The following DGKB variants were observed in gnomAD, a reference collection of about 807,000 sequenced individuals.
DGKB encodes the protein 90 kDa diacylglycerol kinase.
In DGKB, 67 loss-of-function variants were observed where a neutral mutation model predicts 114.3. That is an observed-to-expected ratio of 0.59 (90% confidence interval 0.48 to 0.72). DGKB has a LOEUF of 0.72. Among genes scored for constraint, DGKB ranks in the 30% least tolerant of loss-of-function variants. DGKB has a pLI of 0.00. For synonymous variants in DGKB, 398 were observed against 323.1 expected (o/e 1.23, Z -2.49); for missense variants, 907 against 975.2 (o/e 0.93, Z 0.93).
intron 20 of DGKB, among the ~76,000 whole-genome samples, chr7:14,572,413 C>T (rs1026301698): frequency 6.0e-5 from 9 of 150,890 alleles, no homozygotes; most frequent in African/African-American, 2.2e-4. Flanking sequence ...GATCGTGCCA[C>T]TGCACTCCAG....
intron 21 of DGKB, among the ~76,000 whole-genome samples, chr7:14,432,987 G>A (rs1299498735): frequency 1.3e-5 from 2 of 152,146 alleles, no homozygotes; most frequent in East Asian, 3.9e-4. Context: ...CATGGTAAGA[G>A]CATGGTGGAG....
chr7:14,149,319 G>A, intron 25 of DGKB, 81 bp from the exon 26 acceptor site: 1 of 980,884 alleles, frequency 1.0e-6, no homozygotes. Context: ...GAGACTCTCT[G>A]TTAAGGTTAA....
At chr7:14,197,932 G>A (rs886661097) in intron 23 of DGKB, among the ~76,000 whole-genome samples, 2 of 152,040 alleles carry the variant, frequency 1.3e-5, no homozygotes, top group Non-Finnish European at 2.9e-5. Context: ...GTAAGGTCAC[G>A]AGGTGTGAAA....
intron 13 of DGKB, among the ~76,000 whole-genome samples, chr7:14,668,115 G>A (rs186353226): frequency 1.3e-3 from 202 of 152,090 alleles, no homozygotes; most frequent in Non-Finnish European, 8.8e-4. Context: ...TATAATATTT[G>A]CATTTTTTGA....
intron 2 of DGKB, among the ~76,000 whole-genome samples, chr7:14,818,207 C>T (rs1437995384): frequency 2.0e-5 from 3 of 152,140 alleles, no homozygotes; most frequent in African/African-American, 7.2e-5. Context: ...TCAAAAACAT[C>T]AAGGGCCATT....
At chr7:14,918,169 C>T (rs1434888579) in intron 1 of DGKB, among the ~76,000 whole-genome samples, 1 of 152,074 alleles carries the variant, frequency 6.6e-6, no homozygotes, top group Non-Finnish European at 1.5e-5. Context: ...AAAATAAGTG[C>T]TTATTTCTAA....
chr7:14,833,339 T>C (rs917680485), intron 2 of DGKB, among the ~76,000 whole-genome samples: 1 of 152,162 alleles, frequency 6.6e-6, no homozygotes, highest in African/African-American at 2.4e-5. Context: ...GATATTTTAC[T>C]ACCTCCAAAA....
intron 21 of DGKB, among the ~76,000 whole-genome samples, chr7:14,391,053 TC>T (rs752854585): frequency 2.4e-4 from 36 of 152,164 alleles, no homozygotes; most frequent in Non-Finnish European, 4.9e-4. Context: ...AAAATTAAAT[TC>T]AGTAAAAATC....
chr7:14,340,948 T>C (rs531496609), intron 22 of DGKB, among the ~76,000 whole-genome samples: 1 of 151,786 alleles, frequency 6.6e-6, no homozygotes, highest in South Asian at 2.1e-4. Context: ...GATTCCTTTG[T>C]TCATCTGCAG....
At chr7:14,703,004 G>T (rs940859723) in intron 6 of DGKB, among the ~76,000 whole-genome samples, 4 of 152,138 alleles carry the variant, frequency 2.6e-5, no homozygotes, top group African/African-American at 9.7e-5. Flanking sequence ...CTGGCTAAAA[G>T]ACTTAAATAT....
Position 14,511,981 on chromosome 7 carries a change from C to T in DGKB, c.1771-33756G>A, listed in dbSNP as rs374035822. 2.4e-3 allele frequency among the ~76,000 whole-genome samples: 364 copies of T among 152,216 alleles called. 2 individuals carry two copies. Among genetic ancestry groups the T allele is most frequent in the African/African-American group, 7.9e-3 (329 of 41,526 alleles). Reference sequence around the variant, plus strand: ...TATTCCCAAACAATGACAACAGTAACATCAAAGATTACTTATCACAAATCA... The same window carrying T: ...TATTCCCAAACAATGACAACAGTAATATCAAAGATTACTTATCACAAATCA... On this transcript the variant is annotated intron_variant, in intron 20 of 25. Coordinates refer to ENST00000402815, the MANE Select transcript of DGKB (RefSeq NM_001350709.2).
At chr7:14,836,407 T>C (rs530922449) in intron 2 of DGKB, among the ~76,000 whole-genome samples, 3 of 152,274 alleles carry the variant, frequency 2.0e-5, no homozygotes, top group South Asian at 4.1e-4. Context: ...ACATTATATA[T>C]AGCAAATAAA....
At chr7:14,309,286 A>G (rs1044854812) in intron 23 of DGKB, among the ~76,000 whole-genome samples, 11 of 152,218 alleles carry the variant, frequency 7.2e-5, no homozygotes, top group African/African-American at 2.7e-4. Flanking sequence ...ACCATGTATC[A>G]GCAGTGGTTA....
intron 23 of DGKB, among the ~76,000 whole-genome samples, chr7:14,186,165 T>C (rs891625690): frequency 2.0e-5 from 3 of 151,900 alleles, no homozygotes; most frequent in Non-Finnish European, 2.9e-5. Context: ...CTCAAACAAA[T>C]TGGTAAGAAA....
chr7:14,281,317 T>G (rs1486492207), intron 23 of DGKB, among the ~76,000 whole-genome samples: 6 of 148,620 alleles, frequency 4.0e-5, no homozygotes, highest in African/African-American at 1.5e-4. Flanking sequence ...CTAACTATCC[T>G]AAATATATAT....
At chr7:14,420,329 G>C (rs1352534908) in intron 21 of DGKB, among the ~76,000 whole-genome samples, 1 of 151,830 alleles carries the variant, frequency 6.6e-6, no homozygotes, top group African/African-American at 2.4e-5. Context: ...AAGTTCTCTT[G>C]TCTCATTGAT....
chr7:14,806,206 C>A (rs746768296), intron 2 of DGKB, among the ~76,000 whole-genome samples: 8 of 151,928 alleles, frequency 5.3e-5, no homozygotes, highest in African/African-American at 1.7e-4. Flanking sequence ...CTAACTTTCA[C>A]TCAAAGTGCT....
chr7:14,458,542 C>T (rs1832626043), intron 21 of DGKB, among the ~76,000 whole-genome samples: 2 of 152,000 alleles, frequency 1.3e-5, no homozygotes, highest in South Asian at 4.1e-4. Flanking sequence ...GTGCAGCCCA[C>T]AGAGGGTGAG....
At chr7:14,163,355 A>ATTGT (rs1784180445) in intron 25 of DGKB, among the ~76,000 whole-genome samples, 1 of 152,214 alleles carries the variant, frequency 6.6e-6, no homozygotes, top group Non-Finnish European at 1.5e-5. Context: ...AAAAACAACA[A>ATTGT]TTGTTATGAA....
Sources: gnomAD v4.1 joint callset for allele counts (sites outside exome capture counted in the v4.1 genomes callset) on GRCh38, gnomAD v4.1.1 for gene constraint, MANE v1.5 for transcripts, NCBI Gene and HGNC (gene_info 2026-07-23, HGNC 2026-07-21) for gene names.